Variants in NEDD4L observed in about 807,000 individuals in gnomAD.
NEDD4L encodes E3 ubiquitin-protein ligase NEDD4-like.
A neutral mutation model predicts 148.9 loss-of-function variants in NEDD4L; 54 were observed. That is an observed-to-expected ratio of 0.36 (90% CI 0.29 to 0.45). NEDD4L has a LOEUF of 0.45. Among genes scored for constraint, NEDD4L ranks in the 20% least tolerant of loss-of-function variants. The probability of loss-of-function intolerance (pLI) is 1.00; values close to 1 mark genes in which losing one functional copy is unlikely to be tolerated. For missense variants in NEDD4L, 856 were observed against 1,233.8 expected (o/e 0.69, Z 4.59); for synonymous variants, 433 against 440.7 (o/e 0.98, Z 0.22).
Position 58,256,713 on chromosome 18 carries a change from C to G in NEDD4L, c.297+4659C>G. On this transcript the variant is annotated intron_variant, in intron 5 of 30. Transcript: ENST00000400345. This position sits in a 1 kb window ranked among gnomAD's most constrained non-coding sequence, Gnocchi z 5.2. ...CTTGTAACCCGGGGGCCGGAAGAAG[C>G]TCCCCAGAATCCCGAGGAGAAAAGC... The G allele has an allele frequency of 1.6e-6, 2 of 1,232,260 alleles. No homozygotes were observed. Among genetic ancestry groups the G allele is most frequent in the Non-Finnish European group, 2.0e-6 (2 of 988,094 alleles). 76.3% of individuals were successfully genotyped at this position (1,232,260 alleles called of 1,614,324 possible).
At chr18:58,292,315 G>C (rs1412941743) in intron 5 of NEDD4L, among the ~76,000 whole-genome samples, 1 of 152,124 alleles carries the variant, frequency 6.6e-6, no homozygotes, top group Non-Finnish European at 1.5e-5. Flanking sequence ...TCCAAGTAGA[G>C]ATAGATGTCT....
At chr18:58,126,272 T>C (rs2031073321) in intron 1 of NEDD4L, among the ~76,000 whole-genome samples, 1 of 152,250 alleles carries the variant, frequency 6.6e-6, no homozygotes, top group South Asian at 2.1e-4. Context: ...AGAAACCTTG[T>C]ATCCTTTAGC....
rs570382262 is a variant in NEDD4L, at chr18:58,224,028, G to C, written c.123-21399G>C. ...CACAGGGGCCACAGGGAGGACTTGG[G>C]CGCTTCCTGCCAAGAGCCCCCTGCC... is the stretch of plus-strand genomic sequence containing the variant. On this transcript the variant is annotated intron_variant, in intron 2 of 30. Coordinates refer to ENST00000400345, the MANE Select transcript of NEDD4L (RefSeq NM_001144967.3). Among the ~76,000 whole-genome samples the C allele has an allele frequency of 2.6e-5, 4 of 152,208 alleles. No homozygotes were observed. In the South Asian group the frequency reaches 8.3e-4, roughly 32 times the overall value.
At position 58,387,425 on chromosome 18, in the gene NEDD4L, T is replaced by C. The variant is rs1260628575; in HGVS notation, c.2488-14T>C. 1.5e-5 allele frequency: 23 copies of C among 1,525,468 alleles called. No homozygotes were observed. Among genetic ancestry groups the C allele is most frequent in the Non-Finnish European group, 1.9e-5 (22 of 1,144,018 alleles). 94.5% of individuals were successfully genotyped at this position (1,525,468 alleles called of 1,614,324 possible). A position where few individuals can be genotyped will look rare whatever the true frequency, so the allele number is the denominator to read the frequency against. The stretch of plus-strand genomic sequence containing the variant: ...GGCAATAGGTGTTTAAGATGTTTTT[T>C]TTTTTTCTTTCAGGGATTCACAGAA... On this transcript the variant is annotated splice_polypyrimidine_tract_variant and intron_variant, in intron 26 of 30. Coordinates refer to ENST00000400345, the MANE Select transcript of NEDD4L (RefSeq NM_001144967.3).
At chr18:58,069,903 C>T (rs1293993467) in intron 1 of NEDD4L, among the ~76,000 whole-genome samples, 2 of 152,186 alleles carry the variant, frequency 1.3e-5, no homozygotes, top group African/African-American at 2.4e-5. Context: ...ATCCCATTCC[C>T]GGCCCCTGAC....
At position 58,195,358 on chromosome 18, in the gene NEDD4L, A is replaced by G. The variant is rs113765644; in HGVS notation, c.122+29497A>G. 4,284 of 1,132,232 alleles carry G rather than the reference A, an allele frequency of 3.8e-3. 132 individuals are homozygous for G. The African/African-American group carries it at 0.062, about 16-fold the overall frequency. The allele number at this position is 1,132,232 out of a possible 1,614,324, so 70.1% of individuals were successfully genotyped here. On this transcript the variant is annotated intron_variant, in intron 2 of 30. Coordinates refer to ENST00000400345, the MANE Select transcript of NEDD4L (RefSeq NM_001144967.3). ...CTCTTGAATACACGAAGTTCCTCCT[A>G]TAGTCATTGGCTCTGCTGCCTCTGA...
intron 1 of NEDD4L, among the ~76,000 whole-genome samples, chr18:58,118,820 A>AGCTGACATCACACTCAGT (rs1359274384): frequency 1.3e-5 from 2 of 151,956 alleles, no homozygotes; most frequent in African/African-American, 4.8e-5. Flanking sequence ...TGGGTGGGGG[A>AGCTGACATCACACTCAGT]GCTGACATCA....
chr18:58,357,357 T>A, intron 19 of NEDD4L, 105 bp downstream of exon 19: 2 of 1,021,750 alleles, frequency 2.0e-6, no homozygotes, highest in Non-Finnish European at 3.1e-6. Context: ...CAACGGTGAT[T>A]GAGTAGTTGA....
chr18:58,080,467 C>A (rs1382803129), intron 1 of NEDD4L, among the ~76,000 whole-genome samples: 1 of 152,194 alleles, frequency 6.6e-6, no homozygotes, highest in Non-Finnish European at 1.5e-5. Flanking sequence ...TCCCTAGAGA[C>A]TTTCTGGTCT....
At chr18:58,074,814 A>G (rs555484160) in intron 1 of NEDD4L, among the ~76,000 whole-genome samples, 2 of 152,314 alleles carry the variant, frequency 1.3e-5, no homozygotes, top group South Asian at 4.1e-4. Context: ...CCCAAATGGC[A>G]GGGAAATTGA....
At chr18:58,187,013 C>T (rs958047294) in intron 2 of NEDD4L, among the ~76,000 whole-genome samples, 2 of 152,196 alleles carry the variant, frequency 1.3e-5, no homozygotes, top group South Asian at 2.1e-4. Context: ...CATGTCTTCA[C>T]GCAGGAAAGT....
chr18:58,241,090 G>C (rs576216903), intron 2 of NEDD4L, among the ~76,000 whole-genome samples: 1 of 152,088 alleles, frequency 6.6e-6, no homozygotes, highest in African/African-American at 2.4e-5. Context: ...GATTACAGGC[G>C]CCTGCCTCCA....
At chr18:58,280,929 T>A (rs528971786) in intron 5 of NEDD4L, among the ~76,000 whole-genome samples, 2 of 152,300 alleles carry the variant, frequency 1.3e-5, no homozygotes, top group South Asian at 4.1e-4. Context: ...TACTTTCCAC[T>A]AATGTGACAT....
chr18:58,346,134 A>G (rs914751543), intron 16 of NEDD4L, among the ~76,000 whole-genome samples: 8 of 152,152 alleles, frequency 5.3e-5, no homozygotes, highest in Non-Finnish European at 1.2e-4. Context: ...CAGGGAATGC[A>G]TGCTGGAGAC....
chr18:58,064,084 C>A (rs2082479670), intron 1 of NEDD4L, among the ~76,000 whole-genome samples: 1 of 151,268 alleles, frequency 6.6e-6, no homozygotes, highest in African/African-American at 2.4e-5. Context: ...CCTGCCTCAG[C>A]CTCTCAAGTA....
At chr18:58,377,069 GTC>G (rs1479780948) in intron 24 of NEDD4L, among the ~76,000 whole-genome samples, 1 of 152,214 alleles carries the variant, frequency 6.6e-6, no homozygotes, top group African/African-American at 2.4e-5. Flanking sequence ...TTTAGTGCCT[GTC>G]TCTCCTGCTC....
chr18:58,084,671 T>G (rs866236854), intron 1 of NEDD4L, among the ~76,000 whole-genome samples: 3 of 133,738 alleles, frequency 2.2e-5, no homozygotes, highest in Non-Finnish European at 4.8e-5. Context: ...TGTGGGGTTT[T>G]TGTGTGTGTG....
intron 5 of NEDD4L, among the ~76,000 whole-genome samples, chr18:58,292,971 A>C (rs986987021): frequency 1.3e-5 from 2 of 152,236 alleles, no homozygotes; most frequent in Non-Finnish European, 2.9e-5. Flanking sequence ...TGTTTAGGTT[A>C]CTGACAGCCC....
chr18:58,263,065 G>A (rs1291342994), intron 5 of NEDD4L, among the ~76,000 whole-genome samples: 1 of 152,142 alleles, frequency 6.6e-6, no homozygotes, highest in Non-Finnish European at 1.5e-5. Flanking sequence ...TCAAATAAAA[G>A]GACGGATCAT....
Sources: gnomAD v4.1 joint callset for allele counts (sites outside exome capture counted in the v4.1 genomes callset) on GRCh38, gnomAD v4.1.1 for gene constraint, Gnocchi (gnomAD v3.1) non-coding constraint, MANE v1.5 for transcripts, NCBI Gene and HGNC (gene_info 2026-07-23, HGNC 2026-07-21) for gene names.